The following TMPRSS7 variants were observed in gnomAD, a reference collection of about 807,000 sequenced individuals.
The protein encoded by TMPRSS7 is transmembrane protease serine 7.
Under a neutral mutation model 95.6 loss-of-function variants are expected in TMPRSS7, and 81 were observed. That is an observed-to-expected ratio of 0.85 (90% confidence interval 0.71 to 1.02). The LOEUF (loss-of-function observed/expected upper bound fraction) is 1.02, where lower values mean the gene tolerates loss of function less well. Ranked by LOEUF, TMPRSS7 falls within the 50% of genes least tolerant of loss-of-function variation. TMPRSS7 has a pLI of 0.00. For missense variants in TMPRSS7, 945 were observed against 955.2 expected, an observed-to-expected ratio of 0.99 and a Z score of 0.14; for synonymous variants, 364 against 337.8, an observed-to-expected ratio of 1.08 and a Z score of -0.85.
At chr3:112,053,370 A>G (rs550268782) in intron 9 of TMPRSS7, among the ~76,000 whole-genome samples, 2 of 152,262 alleles carry the variant, frequency 1.3e-5, no homozygotes, top group Non-Finnish European at 2.9e-5. Context: ...GGTCTTATTT[A>G]TCTGAGAAGG....
At chr3:112,043,074 T>C (rs781461158) in intron 3 of TMPRSS7, 4 of 456,012 alleles carry the variant, frequency 8.8e-6, no homozygotes, top group Non-Finnish European at 4.4e-6. Context: ...GGTACGTCAC[T>C]AAACCCTTTG....
At chr3:112,039,037 A>C (rs1235963027) in intron 2 of TMPRSS7, among the ~76,000 whole-genome samples, 2 of 152,180 alleles carry the variant, frequency 1.3e-5, no homozygotes, top group African/African-American at 2.4e-5. Flanking sequence ...GGCAACCTTG[A>C]ATTTCCGGCT....
intron 13 of TMPRSS7, among the ~76,000 whole-genome samples, chr3:112,071,616 C>G (rs1028430151): frequency 6.6e-6 from 1 of 152,288 alleles, no homozygotes; most frequent in East Asian, 1.9e-4. Context: ...TTCACATAGT[C>G]GCATATTTCT....
chr3:112,058,578 T>G (rs1279747625), intron 10 of TMPRSS7, among the ~76,000 whole-genome samples: 15 of 152,184 alleles, frequency 9.9e-5, no homozygotes, highest in Non-Finnish European at 1.5e-5. Context: ...AAATGACACT[T>G]GTTGGATAAA....
intron 9 of TMPRSS7, among the ~76,000 whole-genome samples, chr3:112,052,029 C>G (rs536416784): frequency 6.6e-6 from 1 of 152,234 alleles, no homozygotes; most frequent in South Asian, 2.1e-4. Context: ...CAGCCCTGCT[C>G]TCATGGAGCT....
chr3:112,076,909 C>T lies in TMPRSS7; in HGVS notation c.1989C>T (p.Leu663=), dbSNP rs750291075. 56 of 1,614,038 alleles carry T rather than the reference C, an allele frequency of 3.5e-5. 1 individual carries two copies. In the Middle Eastern group the frequency reaches 6.6e-4, roughly 19 times the overall value. ...ATCCCACACCATGGACTGCACACCT[C>T]GGGATGTATGTTCAGGGGAATGCCA... Residue 663 remains leucine, a synonymous_variant, in exon 16 of 18, where the codon CTC becomes CTT. Transcript: ENST00000452346.
rs746536309 is a variant in TMPRSS7 at position 112,066,378 on chromosome 3, A to T, written c.1556-14A>T. On this transcript the variant is annotated splice_polypyrimidine_tract_variant and intron_variant, in intron 12 of 17. Coordinates refer to ENST00000452346, the Ensembl canonical transcript of TMPRSS7. Reference sequence around the variant, plus strand: ...TCAGGCTCGTGAACTTTCTGTTTTTATTTTTTATTCTAGTGAGCCCTCAAC... The same window carrying T: ...TCAGGCTCGTGAACTTTCTGTTTTTTTTTTTTATTCTAGTGAGCCCTCAAC... The T allele has an allele frequency of 1.2e-6, 2 of 1,612,374 alleles. No individual in the cohort carries two copies. Among genetic ancestry groups the T allele is most frequent in the Non-Finnish European group, 1.7e-6 (2 of 1,179,058 alleles).
exon 12 of TMPRSS7, chr3:112,063,601 C>A: frequency 6.2e-7 from 1 of 1,614,050 alleles, no homozygotes; most frequent in Non-Finnish European, 8.5e-7. Flanking sequence ...GAGTAAATGA[C>A]TGCTTTGATG....
intron 2 of TMPRSS7, among the ~76,000 whole-genome samples, chr3:112,040,606 G>A (rs895687119): frequency 1.6e-4 from 24 of 152,270 alleles, no homozygotes. Flanking sequence ...GAACAAAGAA[G>A]CTTATTTGCC....
intron 13 of TMPRSS7, among the ~76,000 whole-genome samples, chr3:112,069,991 C>T (rs113475694): frequency 0.03 from 4,593 of 152,158 alleles, 199 homozygotes; most frequent in African/African-American, 0.089. Flanking sequence ...CTCTACACAC[C>T]GCTTTAAATG....
rs146959675 is a variant in TMPRSS7, at chr3:112,081,046, G to A, written c.2494G>A (p.Val832Ile). The change falls in exon 18 of 18, where the codon GTT (valine) becomes ATT (isoleucine). Residue 832 changes from valine (V) to isoleucine (I), a missense_variant. Val to Ile is a conservative substitution (Grantham distance 29). Transcript: ENST00000452346. ...TGTTTACACAAGGGTGTCAAACTTT[G>A]TTCCCTGGATTCATAAATATGTCCC... 119 of 1,611,906 alleles carry A rather than the reference G, an allele frequency of 7.4e-5. No homozygotes were observed. In the African/African-American group the frequency reaches 1.4e-3, roughly 19 times the overall value.
intron 9 of TMPRSS7, among the ~76,000 whole-genome samples, chr3:112,054,865 G>A (rs759571815): frequency 1.5e-4 from 22 of 146,780 alleles, no homozygotes; most frequent in Non-Finnish European, 2.8e-4. Flanking sequence ...TCAGCCTCCC[G>A]AGTAGGTGGG....
intron 3 of TMPRSS7, among the ~76,000 whole-genome samples, 197 bp from the exon 4 acceptor site, chr3:112,044,058 G>A (rs2073245317): frequency 6.6e-6 from 1 of 152,206 alleles, no homozygotes; most frequent in Non-Finnish European, 1.5e-5. Context: ...CAGAATGAAA[G>A]TAAGTCACTC....
At position 112,066,441 on chromosome 3, in the gene TMPRSS7, T is replaced by C. The variant is rs182462718; in HGVS notation, c.1605T>C (p.Pro535=). 90 of 1,614,014 alleles carry C rather than the reference T, an allele frequency of 5.6e-5. No individual in the cohort carries two copies. In the African/African-American group the frequency reaches 1.1e-3, roughly 19 times the overall value. ...CCAGCTCCTTCAGGCAGCATGGCCC[T>C]CTCATCTGTGATGGCTTCAGGGACT... is the stretch of plus-strand genomic sequence containing the variant. Residue 535 remains proline, a synonymous_variant, in exon 13 of 18, where the codon CCT becomes CCC. Coordinates refer to ENST00000452346, the Ensembl canonical transcript of TMPRSS7.
rs748246898 is a variant in TMPRSS7, at chr3:112,074,369, TG to T, written c.1743del (p.Thr582GlnfsTer96). The T allele has an allele frequency of 2.0e-5, 33 of 1,613,962 alleles. No homozygotes were observed. The highest frequency in any genetic ancestry group is 6.7e-5 in the Admixed American group (4 of 59,996). ...TTAGGAAACAAAATGCAAAATGTGA[TG>T]GGACAGTGGATTGTCCAGATGGAAG... On this transcript the variant is annotated frameshift_variant, in exon 14 of 18. Coordinates refer to ENST00000452346, the Ensembl canonical transcript of TMPRSS7. LOFTEE classifies it high-confidence loss of function.
chr3:112,065,036 ATACTT>A (rs536887887), intron 12 of TMPRSS7, among the ~76,000 whole-genome samples: 88 of 152,234 alleles, frequency 5.8e-4, no homozygotes, highest in African/African-American at 2.0e-3. Flanking sequence ...CTGTGACTAT[ATACTT>A]TATTTATTTA....
At chr3:112,077,285 G>C in intron 16 of TMPRSS7, 141 bp downstream of exon 16, 1 of 890,042 alleles carries the variant, frequency 1.1e-6, no homozygotes, top group Non-Finnish European at 1.7e-6. Flanking sequence ...TTGGATTGGA[G>C]GAGGGTACTG....
chr3:112,046,633 T>C (rs2073282796), intron 5 of TMPRSS7, among the ~76,000 whole-genome samples: 1 of 152,364 alleles, frequency 6.6e-6, no homozygotes, highest in South Asian at 2.1e-4. Context: ...TACTATTTCA[T>C]ATATAGGACT....
intron 5 of TMPRSS7, among the ~76,000 whole-genome samples, chr3:112,046,543 A>G (rs1002945414): frequency 2.6e-5 from 4 of 152,220 alleles, no homozygotes; most frequent in Non-Finnish European, 5.9e-5. Flanking sequence ...ACACACACAC[A>G]TACACTAGGC....
Sources: gnomAD v4.1 joint callset for allele counts (sites outside exome capture counted in the v4.1 genomes callset) on GRCh38, gnomAD v4.1.1 for gene constraint, MANE v1.5 for transcripts, NCBI Gene and HGNC (gene_info 2026-07-23, HGNC 2026-07-21) for gene names.